VTI1A: variants seen among roughly 807,000 people sequenced by gnomAD.
VTI1A encodes vesicle transport through interaction with t-SNAREs homolog 1A.
In VTI1A, 22 loss-of-function variants were observed where a neutral mutation model predicts 34.9. The ratio of observed to expected loss-of-function variants is 0.63; its 90% CI spans 0.45 to 0.90. VTI1A has a LOEUF of 0.90. Ranked by LOEUF, VTI1A falls within the 40% of genes least tolerant of loss-of-function variation. The pLI, the probability that VTI1A is intolerant of heterozygous loss-of-function variation, is 0.00. For synonymous variants in VTI1A, 87 were observed against 97.3 expected (o/e 0.89, Z 0.62); for missense variants, 268 against 275.6 (o/e 0.97, Z 0.20).
chr10:112,497,550 A>G (rs1476793417), intron 3 of VTI1A, among the ~76,000 whole-genome samples: 1 of 152,214 alleles, frequency 6.6e-6, no homozygotes, highest in Admixed American at 6.5e-5. Flanking sequence ...ATAATGCCTG[A>G]TCCATAGTAA....
At chr10:112,819,328 G>A (rs1209696019), downstream of VTI1A, among the ~76,000 whole-genome samples, 1 of 152,160 alleles carries the variant, frequency 6.6e-6, no homozygotes, top group Admixed American at 6.5e-5. Context: ...GGAGAAACGT[G>A]TGTGTGGAGG....
intron 5 of VTI1A, among the ~76,000 whole-genome samples, chr10:112,573,193 G>T (rs1294290181): frequency 6.6e-6 from 1 of 152,126 alleles, no homozygotes; most frequent in East Asian, 1.9e-4. Context: ...TCAGCCCAAG[G>T]TTTATGGTCC....
At chr10:112,797,926 A>C (rs12249459) in intron 7 of VTI1A, among the ~76,000 whole-genome samples, 14,057 of 152,244 alleles carry the variant, frequency 0.092, 835 homozygotes, top group African/African-American at 0.18. Flanking sequence ...TGGAGAGGGC[A>C]ATTGTTTCAG....
At chr10:112,764,627 C>T (rs1851587679) in intron 7 of VTI1A, among the ~76,000 whole-genome samples, 1 of 151,996 alleles carries the variant, frequency 6.6e-6, no homozygotes, top group African/African-American at 2.4e-5. Flanking sequence ...TGGATATATA[C>T]CTGTATAAAT....
At chr10:112,447,536 C>T in intron 1 of VTI1A, 69 bp downstream of exon 1, 1 of 1,545,290 alleles carries the variant, frequency 6.5e-7, no homozygotes, top group Non-Finnish European at 8.8e-7. Flanking sequence ...TGGAACGCCG[C>T]CCGAGTAAGT....
Position 112,815,511 on chromosome 10 carries a change from G to C in VTI1A, c.*128G>C. 4 of 754,236 alleles carry C rather than the reference G, an allele frequency of 5.3e-6. No individual in the cohort carries two copies. The highest frequency in any genetic ancestry group is 9.1e-6 in the Non-Finnish European group (4 of 438,654). The allele number at this position is 754,236 out of a possible 1,614,324, so 46.7% of individuals were successfully genotyped here. On this transcript the variant is annotated 3_prime_UTR_variant, in exon 8 of 8. Transcript: ENST00000393077. ...ACCCTCTCTCTCCCTCACCGCCGTT[G>C]GGCTGAAGTGCAAAGAGTGTAAAAA...
intron 7 of VTI1A, among the ~76,000 whole-genome samples, chr10:112,795,227 C>G (rs1304911006): frequency 1.3e-5 from 2 of 152,168 alleles, no homozygotes; most frequent in Admixed American, 1.3e-4. Flanking sequence ...CACCAACTAG[C>G]TGTGTGATCT....
Position 112,513,583 on chromosome 10 carries a change from G to A in VTI1A, c.265-13504G>A, listed in dbSNP as rs568003170. Among the ~76,000 whole-genome samples the A allele has an allele frequency of 2.7e-4, 41 of 152,106 alleles. 2 individuals are homozygous for A. In the South Asian group the frequency reaches 8.1e-3, roughly 30 times the overall value. On this transcript the variant is annotated intron_variant, in intron 3 of 7. Coordinates refer to ENST00000393077, the MANE Select transcript of VTI1A (RefSeq NM_145206.4). ...GACTTAAGTACTATGTTGAAAAGAA[G>A]GGGTGAGAGTGGGCATCTTTGTCTT...
At chr10:112,667,413 C>G (rs916493346) in intron 5 of VTI1A, among the ~76,000 whole-genome samples, 1 of 152,094 alleles carries the variant, frequency 6.6e-6, no homozygotes, top group Non-Finnish European at 1.5e-5. Context: ...CAAGCCATAC[C>G]TACTGTCTTC....
chr10:112,762,067 T>C (rs1851488223), intron 7 of VTI1A, among the ~76,000 whole-genome samples: 1 of 152,216 alleles, frequency 6.6e-6, no homozygotes, highest in South Asian at 2.1e-4. Flanking sequence ...CTAGATTTTA[T>C]TTAAAATCTC....
chr10:112,669,104 C>G, intron 7 of VTI1A, 106 bp downstream of exon 7: 1 of 1,298,350 alleles, frequency 7.7e-7, no homozygotes, highest in Non-Finnish European at 1.1e-6. Flanking sequence ...AGCTTCTGCT[C>G]TTAGTACCCT....
At chr10:112,622,805 T>C (rs1277808251) in intron 5 of VTI1A, among the ~76,000 whole-genome samples, 1 of 152,174 alleles carries the variant, frequency 6.6e-6, no homozygotes, top group African/African-American at 2.4e-5. Context: ...AGGAAGTAGA[T>C]TGGTAGAAAG....
At chr10:112,697,216 C>G (rs1363303232) in intron 7 of VTI1A, among the ~76,000 whole-genome samples, 1 of 146,720 alleles carries the variant, frequency 6.8e-6, no homozygotes, top group East Asian at 2.0e-4. Context: ...TTTTTCCAGA[C>G]AGGGTCTTGC....
intron 7 of VTI1A, among the ~76,000 whole-genome samples, chr10:112,772,172 C>T (rs1851830496): frequency 6.6e-6 from 1 of 152,176 alleles, no homozygotes; most frequent in Admixed American, 6.5e-5. Context: ...CCCACCAGCA[C>T]AATATAAAGG....
chr10:112,809,589 C>T (rs1051307868), intron 7 of VTI1A, among the ~76,000 whole-genome samples: 23 of 152,172 alleles, frequency 1.5e-4, no homozygotes, highest in African/African-American at 5.1e-4. Context: ...GTTGGGACTC[C>T]GCTGGCATCC....
chr10:112,722,754 T>C (rs902106934), intron 7 of VTI1A, among the ~76,000 whole-genome samples: 3 of 152,020 alleles, frequency 2.0e-5, no homozygotes, highest in Non-Finnish European at 4.4e-5. Flanking sequence ...ATTCTCTAGT[T>C]CCCAGATACT....
At chr10:112,624,172 C>T (rs996550560) in intron 5 of VTI1A, among the ~76,000 whole-genome samples, 4 of 152,182 alleles carry the variant, frequency 2.6e-5, no homozygotes, top group African/African-American at 9.7e-5. Flanking sequence ...TTGTCGTCCT[C>T]TAGAGGCATC....
At chr10:112,729,976 C>T (rs1443259474) in intron 7 of VTI1A, among the ~76,000 whole-genome samples, 1 of 152,182 alleles carries the variant, frequency 6.6e-6, no homozygotes, top group Non-Finnish European at 1.5e-5. Context: ...GACCTCCAAT[C>T]CAGGGGCCCC....
At chr10:112,625,512 T>A (rs761158851) in intron 5 of VTI1A, among the ~76,000 whole-genome samples, 2 of 151,918 alleles carry the variant, frequency 1.3e-5, no homozygotes, top group African/African-American at 2.4e-5. Flanking sequence ...TGGCGGCACA[T>A]GCCTGTAATC....
Sources: allele counts gnomAD v4.1 joint callset (sites outside exome capture counted in the v4.1 genomes callset), GRCh38; gene constraint gnomAD v4.1.1; transcripts MANE v1.5; gene names NCBI Gene and HGNC (gene_info 2026-07-23, HGNC 2026-07-21).